NTPCR: variants seen among roughly 807,000 people sequenced by gnomAD.
NTPCR encodes the protein nucleoside-triphosphatase, cancer-related.
Under a neutral mutation model 19.5 loss-of-function variants are expected in NTPCR, and 15 were observed. The observed-to-expected ratio is 0.77, with a 90% CI of 0.51 to 1.18. The LOEUF (loss-of-function observed/expected upper bound fraction) is 1.18, where lower values mean the gene tolerates loss of function less well. NTPCR is among the 50% of genes most tolerant of loss of function. NTPCR has a pLI of 0.00. For synonymous variants in NTPCR, 90 were observed against 95.8 expected (o/e 0.94, Z 0.36); for missense variants, 206 against 240.4 (o/e 0.86, Z 0.95).
At chr1:232,977,873 G>A (rs2102762472) in intron 4 of NTPCR, among the ~76,000 whole-genome samples, 1 of 152,284 alleles carries the variant, frequency 6.6e-6, no homozygotes, top group Non-Finnish European at 1.5e-5. Flanking sequence ...CCGTCCCGGT[G>A]TGCCTCGTCG....
intron 3 of NTPCR, chr1:232,964,981 G>T (rs1478485412): frequency 1.3e-5 from 2 of 152,180 alleles, no homozygotes; most frequent in Admixed American, 1.3e-4. Context: ...CTCGGGGTGT[G>T]CTCCTGGTAG....
intron 3 of NTPCR, chr1:232,964,698 C>G (rs980735361): frequency 6.6e-6 from 1 of 152,168 alleles, no homozygotes; most frequent in African/African-American, 2.4e-5. Context: ...TTTTTCCACT[C>G]TAAGCTGTGC....
rs376848395 is a variant in NTPCR at position 232,969,911 on chromosome 1, C to T, written c.297C>T (p.Ala99=). Residue 99 remains alanine (A), a splice_region_variant and synonymous_variant, in exon 4 of 5, where the codon GCC becomes GCT. Coordinates refer to ENST00000366628, the MANE Select transcript of NTPCR (RefSeq NM_032324.3). Reference sequence around the variant, plus strand: ...GTGAAAGTCTTTGTCATTCTCAGGCCGACTGCAGCAGTGGCCCAGGGCAAA... The same window carrying T: ...GTGAAAGTCTTTGTCATTCTCAGGCTGACTGCAGCAGTGGCCCAGGGCAAA... ...EQLALPVLRN[A]DCSSGPGQRV... is the part of the protein sequence containing the mutation. The T allele has an allele frequency of 2.3e-5, 37 of 1,613,522 alleles. No homozygotes were observed. Among genetic ancestry groups the T allele is most frequent in the Non-Finnish European group, 2.8e-5 (33 of 1,179,678 alleles).
At chr1:232,969,553 G>T in intron 3 of NTPCR, 1 of 214,100 alleles carries the variant, frequency 4.7e-6, no homozygotes, top group Non-Finnish European at 9.7e-6. Flanking sequence ...AAGGAAACAA[G>T]TCTTGGCTAA....
At chr1:232,971,616 G>A (rs969312577) in intron 4 of NTPCR, among the ~76,000 whole-genome samples, 3 of 152,234 alleles carry the variant, frequency 2.0e-5, no homozygotes, top group African/African-American at 7.2e-5. Flanking sequence ...ATACTGTGGT[G>A]AACGAGACTG....
chr1:232,979,682 A>C lies in NTPCR; in HGVS notation c.*1451A>C, dbSNP rs1481715063. ...TTCAGGGAGACTGAGTTCCGAGCTC[A>C]GGATGTCTGGCAGGCTGGCTGTGAC... On this transcript the variant is annotated 3_prime_UTR_variant, in exon 5 of 5. Coordinates refer to ENST00000366628, the MANE Select transcript of NTPCR (RefSeq NM_032324.3). This position sits in a 1 kb window ranked among gnomAD's most constrained non-coding sequence, Gnocchi z 5.3. 1 of 152,266 alleles carries C rather than the reference A, an allele frequency of 6.6e-6. No individual in the cohort carries two copies. The highest frequency in any genetic ancestry group is 2.4e-5 in the African/African-American group (1 of 41,452). The allele number at this position is 152,266 out of a possible 1,614,324, so 9.4% of individuals were successfully genotyped here. A position where few individuals can be genotyped will look rare whatever the true frequency, so the allele number is the denominator to read the frequency against.
Position 232,962,661 on chromosome 1 carries a change from G to C in NTPCR, c.294+6218G>C, listed in dbSNP as rs370393029. 25 of 152,286 alleles carry C rather than the reference G, an allele frequency of 1.6e-4. 1 individual carries two copies. The highest frequency in any genetic ancestry group is 6.0e-4 in the African/African-American group (25 of 41,556). The allele number at this position is 152,286 out of a possible 1,614,324, so 9.4% of individuals were successfully genotyped here. A position where few individuals can be genotyped will look rare whatever the true frequency, so the allele number is the denominator to read the frequency against. Reference sequence around the variant, plus strand: ...CATCTACTCAAAGCCCTGTTTTCCAGGTGAACAGTGTCATTTTTTACAAAG... The same window carrying C: ...CATCTACTCAAAGCCCTGTTTTCCACGTGAACAGTGTCATTTTTTACAAAG... On this transcript the variant is annotated intron_variant, in intron 3 of 4. Coordinates refer to ENST00000366628, the MANE Select transcript of NTPCR (RefSeq NM_032324.3).
At position 232,983,284 on chromosome 1, in the gene NTPCR, G is replaced by A. The variant is rs547804155; in HGVS notation, c.*5053G>A. The A allele has an allele frequency of 1.5e-4, 23 of 152,132 alleles. No individual in the cohort carries two copies. The highest frequency in any genetic ancestry group is 3.2e-4 in the Non-Finnish European group (22 of 68,024). The allele number at this position is 152,132 out of a possible 1,614,324, so 9.4% of individuals were successfully genotyped here. A position where few individuals can be genotyped will look rare whatever the true frequency, so the allele number is the denominator to read the frequency against. On this transcript the variant is annotated 3_prime_UTR_variant, in exon 5 of 5. Transcript: ENST00000366628. ...AGTGATACTCTATGGACTGCATTTT[G>A]GGACCTCTACCCCAGCAAGGATACA...
At chr1:232,970,525 T>G (rs1668946513) in intron 4 of NTPCR, among the ~76,000 whole-genome samples, 1 of 152,120 alleles carries the variant, frequency 6.6e-6, no homozygotes, top group African/African-American at 2.4e-5. Flanking sequence ...CTGACCCACT[T>G]GTGCTTGTGG....
intron 3 of NTPCR, 130 bp downstream of exon 3, chr1:232,956,573 G>T: frequency 1.5e-6 from 1 of 651,362 alleles, no homozygotes; most frequent in Non-Finnish European, 2.8e-6. Flanking sequence ...AAAAGATTGA[G>T]TCTTAATAAG....
chr1:232,951,092 G>T (rs942346843), intron 1 of NTPCR: 1 of 263,684 alleles, frequency 3.8e-6, no homozygotes. Context: ...CGGCAACCGC[G>T]ATGTGAAGTG....
chr1:232,976,487 C>A, intron 4 of NTPCR: 7 of 1,544,972 alleles, frequency 4.5e-6, no homozygotes, highest in South Asian at 1.2e-5. Context: ...GTGCCCACCT[C>A]TGTGTCGCCT....
chr1:232,956,275 C>T, intron 2 of NTPCR, 72 bp from the exon 3 acceptor site: 1 of 1,003,592 alleles, frequency 1.0e-6, no homozygotes, highest in Non-Finnish European at 1.6e-6. Context: ...GCCAGAGGCT[C>T]AGTGGAGCAG....
chr1:232,956,331 A>G lies in NTPCR; in HGVS notation c.198-16A>G, dbSNP rs185446984. 1.7e-4 allele frequency: 277 copies of G among 1,594,932 alleles called. 1 individual carries two copies. In the African/African-American group the frequency reaches 2.7e-3, roughly 16 times the overall value. On this transcript the variant is annotated splice_polypyrimidine_tract_variant and intron_variant, in intron 2 of 4. Coordinates refer to ENST00000366628, the MANE Select transcript of NTPCR (RefSeq NM_032324.3). The stretch of plus-strand genomic sequence containing the variant: ...CAGGAGTTTTTCAACAAAGAACATA[A>G]TGTCTTTTCCTTCAGGTTAGAGCCT...
intron 3 of NTPCR, chr1:232,963,410 A>C (rs993944551): frequency 6.6e-6 from 1 of 152,178 alleles, no homozygotes. Context: ...TGACACCTTC[A>C]TGTCTTTCTT....
intron 3 of NTPCR, chr1:232,962,875 A>G (rs1338515507): frequency 6.6e-6 from 1 of 152,236 alleles, no homozygotes; most frequent in African/African-American, 2.4e-5. Context: ...TGAAGGTGAG[A>G]GGACTCCTGT....
Position 232,983,646 on chromosome 1 carries a change from TA to T in NTPCR, c.*5417del, listed in dbSNP as rs1469798817. 1 of 152,216 alleles carries T rather than the reference TA, an allele frequency of 6.6e-6. No homozygotes were observed. Among genetic ancestry groups the T allele is most frequent in the Non-Finnish European group, 1.5e-5 (1 of 68,032 alleles). The allele number at this position is 152,216 out of a possible 1,614,324, so 9.4% of individuals were successfully genotyped here. ...GGACTCAGTTTCTAAACTCACATCC[TA>T]ACGTATCCTGGCTTTTCACAGAATA... On this transcript the variant is annotated 3_prime_UTR_variant, in exon 5 of 5. Transcript: ENST00000366628.
chr1:232,970,897 G>T (rs1208753393), intron 4 of NTPCR, among the ~76,000 whole-genome samples: 1 of 152,176 alleles, frequency 6.6e-6, no homozygotes, highest in Non-Finnish European at 1.5e-5. Flanking sequence ...CTGGGAGTGG[G>T]CCTTGCCCTG....
Position 232,969,898 on chromosome 1 carries a change from G to A in NTPCR, c.295-11G>A. On this transcript the variant is annotated splice_polypyrimidine_tract_variant and intron_variant, in intron 3 of 4. Coordinates refer to ENST00000366628, the MANE Select transcript of NTPCR (RefSeq NM_032324.3). ...CTCTGATGTCCCAGTGAAAGTCTTT[G>A]TCATTCTCAGGCCGACTGCAGCAGT... is the stretch of plus-strand genomic sequence containing the variant. The A allele has an allele frequency of 6.2e-7, 1 of 1,612,740 alleles. No homozygotes were observed. The highest frequency in any genetic ancestry group is 8.5e-7 in the Non-Finnish European group (1 of 1,178,886).
Sources: allele counts gnomAD v4.1 joint callset (sites outside exome capture counted in the v4.1 genomes callset), GRCh38; gene constraint gnomAD v4.1.1; non-coding constraint Gnocchi (gnomAD v3.1); transcripts MANE v1.5; gene names NCBI Gene and HGNC (gene_info 2026-07-23, HGNC 2026-07-21).